Variants in TNFRSF10C observed in about 807,000 individuals in gnomAD.
The protein encoded by TNFRSF10C is TNF receptor superfamily member 10c, also known as tumor necrosis factor receptor superfamily member 10C.
A neutral mutation model predicts 16.7 loss-of-function variants in TNFRSF10C; 17 were observed. The ratio of observed to expected loss-of-function variants is 1.02; its 90% confidence interval spans 0.70 to 1.53. The LOEUF is 1.53. Among genes scored for constraint, TNFRSF10C ranks in the 40% most tolerant of loss-of-function variants. The pLI, the probability that TNFRSF10C is intolerant of heterozygous loss-of-function variation, is 0.00. For missense variants in TNFRSF10C, 237 were observed against 329.7 expected (o/e 0.72, Z 2.18); for synonymous variants, 73 against 119.7 (o/e 0.61, Z 2.55).
intron 1 of TNFRSF10C, 184 bp downstream of exon 1, chr8:23,103,365 C>A: frequency 9.3e-7 from 1 of 1,072,638 alleles, no homozygotes; most frequent in Non-Finnish European, 1.4e-6. Context: ...AGGAGGGACC[C>A]GGCCGCGAGG....
At position 23,103,117 on chromosome 8, in the gene TNFRSF10C, A is replaced by G. The variant is rs1213102667; in HGVS notation, c.-5A>G. On this transcript the variant is annotated 5_prime_UTR_variant, in exon 1 of 5. Coordinates refer to ENST00000356864, the MANE Select transcript of TNFRSF10C (RefSeq NM_003841.5). Reference sequence around the variant, plus strand: ...AGGACCCAGGACGGCGTCGGGAACCATACCATGGCCCGGATCCCCAAGACC... The same window carrying G: ...AGGACCCAGGACGGCGTCGGGAACCGTACCATGGCCCGGATCCCCAAGACC... 1.2e-6 allele frequency: 2 copies of G among 1,611,194 alleles called. No homozygotes were observed. The highest frequency in any genetic ancestry group is 1.7e-6 in the Non-Finnish European group (2 of 1,178,976).
intron 4 of TNFRSF10C, among the ~76,000 whole-genome samples, chr8:23,115,841 C>G (rs1047478759): frequency 1.1e-4 from 16 of 151,692 alleles, no homozygotes; most frequent in African/African-American, 3.9e-4. Context: ...CAGCACGAGT[C>G]CCCTTGGCCA....
intron 1 of TNFRSF10C, among the ~76,000 whole-genome samples, chr8:23,109,783 C>A (rs1206039116): frequency 6.6e-6 from 1 of 151,644 alleles, no homozygotes; most frequent in Admixed American, 6.6e-5. Context: ...CTGAGAAAAC[C>A]AACTGTGTGC....
At chr8:23,114,015 T>C (rs933195008) in intron 2 of TNFRSF10C, among the ~76,000 whole-genome samples, 1 of 150,144 alleles carries the variant, frequency 6.7e-6, no homozygotes, top group Non-Finnish European at 1.5e-5. Flanking sequence ...ATGGGAACCA[T>C]GAAGAATAGT....
intron 2 of TNFRSF10C, among the ~76,000 whole-genome samples, chr8:23,113,775 T>C (rs1194191214): frequency 6.6e-6 from 1 of 152,180 alleles, no homozygotes; most frequent in African/African-American, 2.4e-5. Flanking sequence ...AAGATCACTT[T>C]GGCTATTTGA....
At position 23,117,218 on chromosome 8, in the gene TNFRSF10C, C is replaced by A; in HGVS notation, c.*187C>A. ...GCTCTATCTTCCTCCTTGTGATCGT[C>A]CCATCCCCACATCCCGTGCACCCCC... On this transcript the variant is annotated 3_prime_UTR_variant, in exon 5 of 5. Coordinates refer to ENST00000356864, the MANE Select transcript of TNFRSF10C (RefSeq NM_003841.5). 1 of 882,528 alleles carries A rather than the reference C, an allele frequency of 1.1e-6. No homozygotes were observed. Among genetic ancestry groups the A allele is most frequent in the Non-Finnish European group, 1.7e-6 (1 of 590,410 alleles). 54.7% of individuals were successfully genotyped at this position (882,528 alleles called of 1,614,324 possible).
intron 4 of TNFRSF10C, 71 bp from the exon 5 acceptor site, chr8:23,116,570 T>C: frequency 1.3e-6 from 2 of 1,548,302 alleles, no homozygotes; most frequent in Non-Finnish European, 1.7e-6. Flanking sequence ...AGAGGGAGGG[T>C]GGCTCCCCTT....
chr8:23,115,675 C>T, intron 4 of TNFRSF10C, 59 bp downstream of exon 4: 2 of 1,373,660 alleles, frequency 1.5e-6, no homozygotes, highest in South Asian at 1.2e-5. Flanking sequence ...ACCTGAGTCA[C>T]CTGGTACCCC....
chr8:23,114,590 C>G, intron 2 of TNFRSF10C, 67 bp from the exon 3 acceptor site: 1 of 1,344,830 alleles, frequency 7.4e-7, no homozygotes, highest in Non-Finnish European at 1.1e-6. Context: ...AAAGAAGTTT[C>G]CCCACCACTG....
chr8:23,106,930 A>G (rs1318038386), intron 1 of TNFRSF10C, among the ~76,000 whole-genome samples: 3 of 66,372 alleles, frequency 4.5e-5, no homozygotes, highest in Middle Eastern at 5.3e-3. Context: ...GAGCTTTCAG[A>G]AAAAAAAAAA....
intron 1 of TNFRSF10C, chr8:23,103,454 A>C (rs1397378922): frequency 1.7e-6 from 1 of 600,704 alleles, no homozygotes; most frequent in East Asian, 2.9e-5. Flanking sequence ...GGAGGGAGTC[A>C]AGGTGGAACC....
chr8:23,115,548 A>G lies in TNFRSF10C; in HGVS notation c.321A>G (p.Thr107=). The G allele has an allele frequency of 1.9e-6, 3 of 1,613,336 alleles. No individual in the cohort carries two copies. The highest frequency in any genetic ancestry group is 2.5e-6 in the Non-Finnish European group (3 of 1,179,606). The change falls in exon 4 of 5, where the codon ACA becomes ACG. Residue 107 remains threonine, a synonymous_variant. Transcript: ENST00000356864. ...GTTCCTGCACCATGACCAGAGACAC[A>G]GTGTGTCAGTGTAAAGAAGGCACCT... The part of the protein sequence containing the change: ...HKSSCTMTRD[T]VCQCKEGTFR...
chr8:23,111,532 T>TTC (rs1813878300), intron 1 of TNFRSF10C, among the ~76,000 whole-genome samples, 188 bp from the exon 2 acceptor site: 1 of 140,600 alleles, frequency 7.1e-6, no homozygotes, highest in Admixed American at 7.2e-5. Flanking sequence ...TTTTTTTTTT[T>TTC]ATAGAAAATA....
chr8:23,111,608 A>T, intron 1 of TNFRSF10C, 112 bp from the exon 2 acceptor site: 1 of 831,252 alleles, frequency 1.2e-6, no homozygotes, highest in Non-Finnish European at 2.0e-6. Flanking sequence ...GCTGGAAAAA[A>T]TGTCCAAGCT....
At chr8:23,105,528 G>A (rs543716456) in intron 1 of TNFRSF10C, among the ~76,000 whole-genome samples, 11 of 152,340 alleles carry the variant, frequency 7.2e-5, no homozygotes, top group African/African-American at 2.6e-4. Context: ...GCACTGCAGG[G>A]CCACAGCCTG....
intron 1 of TNFRSF10C, among the ~76,000 whole-genome samples, chr8:23,106,472 C>T (rs866194254): frequency 3.4e-5 from 5 of 148,334 alleles, no homozygotes; most frequent in South Asian, 2.2e-4. Context: ...ATTTGATTCA[C>T]CTAAGAGAGG....
At chr8:23,114,601 T>A (rs1328759819) in intron 2 of TNFRSF10C, 56 bp from the exon 3 acceptor site, 1 of 1,443,700 alleles carries the variant, frequency 6.9e-7, no homozygotes, top group African/African-American at 1.4e-5. Flanking sequence ...CCCACCACTG[T>A]CAGCCTCTGG....
At chr8:23,110,788 C>T (rs1015428718) in intron 1 of TNFRSF10C, among the ~76,000 whole-genome samples, 1 of 152,086 alleles carries the variant, frequency 6.6e-6, no homozygotes, top group African/African-American at 2.4e-5. Context: ...ATTTGTAAAG[C>T]TGAGTATGTT....
chr8:23,108,760 A>G lies in TNFRSF10C; in HGVS notation c.61-2960A>G, dbSNP rs1416438150. 2.0e-5 allele frequency among the ~76,000 whole-genome samples: 3 copies of G among 152,242 alleles called. No individual in the cohort carries two copies. In the East Asian group the frequency reaches 5.8e-4, roughly 29 times the overall value. ...TAAAGTGGCAAGCGATCTGCACACT[A>G]TCAACCACCTTGATTTAACTGACAT... is the stretch of plus-strand genomic sequence containing the variant. On this transcript the variant is annotated intron_variant, in intron 1 of 4. Transcript: ENST00000356864.
Sources: gnomAD v4.1 joint callset for allele counts (sites outside exome capture counted in the v4.1 genomes callset) on GRCh38, gnomAD v4.1.1 for gene constraint, MANE v1.5 for transcripts, NCBI Gene and HGNC (gene_info 2026-07-23, HGNC 2026-07-21) for gene names.